ALOX12B: variants seen among roughly 807,000 people sequenced by gnomAD.
ALOX12B encodes the protein arachidonate 12-lipoxygenase, 12R type.
ALOX12B carries 47 observed loss-of-function variants against 78.9 expected under a neutral mutation model. That is an observed-to-expected ratio of 0.60 (90% CI 0.47 to 0.76). The LOEUF is 0.76. Among genes scored for constraint, ALOX12B ranks in the 30% least tolerant of loss-of-function variants. The pLI, the probability that ALOX12B is intolerant of heterozygous loss-of-function variation, is 0.00. For missense variants in ALOX12B, 805 were observed against 922.6 expected, an observed-to-expected ratio of 0.87 and a Z score of 1.65; for synonymous variants, 370 against 374.5, an observed-to-expected ratio of 0.99 and a Z score of 0.14.
rs145046775 is a variant in ALOX12B, at chr17:8,075,663, C to T, written c.1586G>A (p.Gly529Asp). ...CACCCAAGACTGCAATTCCGGATCA[C>T]CCTCCACGGCTGCGTCACTCGGGTA... ...YYYPSDAAVE[G>D]DPELQSWVQE... The change falls in exon 12 of 15, where the codon GGT becomes GAT. Residue 529 changes from glycine (G) to aspartate (D), a missense_variant. Coordinates refer to ENST00000647874, the MANE Select transcript of ALOX12B (RefSeq NM_001139.3). The T allele has an allele frequency of 1.0e-4, 166 of 1,614,194 alleles. No homozygotes were observed. Among genetic ancestry groups the T allele is most frequent in the African/African-American group, 5.3e-5 (4 of 75,046 alleles).
intron 2 of ALOX12B, among the ~76,000 whole-genome samples, chr17:8,081,913 G>A (rs1977225402): frequency 6.6e-6 from 1 of 152,098 alleles, no homozygotes; most frequent in African/African-American, 2.4e-5. Context: ...AAAGTGCTGG[G>A]ATTATAGGTG....
chr17:8,080,270 C>T lies in ALOX12B; in HGVS notation c.719G>A (p.Arg240Lys). Reference protein sequence around the residue: ...KHSWKRLKDIRKIFPGKKSVV... With the variant: ...KHSWKRLKDIKKIFPGKKSVV... ...AGATTTCTTGCCAGGGAAAATTTTCCTAATGTCCTTCAGCCTCTTCCACGA... is the reference window on the plus strand; with the variant it reads ...AGATTTCTTGCCAGGGAAAATTTTCTTAATGTCCTTCAGCCTCTTCCACGA... Residue 240 changes from arginine (R) to lysine (K), a missense_variant, in exon 6 of 15, where the codon AGG (arginine) becomes AAG (lysine). Coordinates refer to ENST00000647874, the MANE Select transcript of ALOX12B (RefSeq NM_001139.3). This position sits in a 1 kb window ranked among gnomAD's most constrained non-coding sequence, Gnocchi z 4.8. 6.2e-7 allele frequency: 1 copy of T among 1,614,230 alleles called. No homozygotes were observed. Among genetic ancestry groups the T allele is most frequent in the East Asian group, 2.2e-5 (1 of 44,874 alleles).
chr17:8,083,326 C>T (rs1019235559), intron 2 of ALOX12B, among the ~76,000 whole-genome samples: 3 of 152,202 alleles, frequency 2.0e-5, no homozygotes, highest in Non-Finnish European at 2.9e-5. Context: ...ACTGTATCCC[C>T]ATGCCCATTT....
chr17:8,077,732 G>C (rs1176647916), intron 8 of ALOX12B, among the ~76,000 whole-genome samples: 3 of 152,206 alleles, frequency 2.0e-5, no homozygotes, highest in Non-Finnish European at 4.4e-5. Context: ...AGATTCCCAA[G>C]GCAGAGGCTA....
In ALOX12B at chr17:8,079,410, G is replaced by C; in HGVS notation, c.1057C>G (p.Pro353Ala). ...LHFGPEGKMMPIAIQLSQTPG... is the reference protein window; with the variant it reads ...LHFGPEGKMMAIAIQLSQTPG... ...AGCCCAGGCACCTGGATGGCGATGG[G>C]CATCATCTTGCCCTCGGGTCCAAAG... is the stretch of plus-strand genomic sequence containing the variant. Residue 353 changes from proline (P) to alanine (A), a missense_variant, in exon 8 of 15, where the codon CCC (proline) becomes GCC (alanine). Physicochemically the swap from Pro to Ala is conservative, Grantham distance 27. Transcript: ENST00000647874. The surrounding 1 kb of genome is among the most constrained non-coding windows in gnomAD (Gnocchi z 6.4). The C allele has an allele frequency of 6.4e-7, 1 of 1,552,494 alleles. No individual in the cohort carries two copies. Among genetic ancestry groups the C allele is most frequent in the Non-Finnish European group, 8.7e-7 (1 of 1,147,914 alleles).
At chr17:8,081,745 C>T (rs192086987) in intron 2 of ALOX12B, among the ~76,000 whole-genome samples, 12 of 152,144 alleles carry the variant, frequency 7.9e-5, no homozygotes, top group African/African-American at 2.7e-4. Flanking sequence ...TGGGTTCAAG[C>T]GATTCTGCTG....
At chr17:8,085,823 T>C (rs1163144784) in intron 2 of ALOX12B, among the ~76,000 whole-genome samples, 193 bp downstream of exon 2, 6 of 152,178 alleles carry the variant, frequency 3.9e-5, no homozygotes, top group Non-Finnish European at 8.8e-5. Context: ...TCCTCCAATG[T>C]GCAGCCCCAA....
intron 2 of ALOX12B, among the ~76,000 whole-genome samples, chr17:8,083,579 A>G (rs1978289866): frequency 6.6e-6 from 1 of 152,076 alleles, no homozygotes; most frequent in African/African-American, 2.4e-5. Flanking sequence ...AAATACAAAA[A>G]TTAGCTGGGT....
intron 2 of ALOX12B, among the ~76,000 whole-genome samples, chr17:8,082,874 T>C (rs1978288972): frequency 6.6e-6 from 1 of 152,186 alleles, no homozygotes; most frequent in African/African-American, 2.4e-5. Flanking sequence ...ACACTTTACT[T>C]TTATTAATCT....
At chr17:8,076,948 G>A (rs541260037) in intron 9 of ALOX12B, 42 bp downstream of exon 9, 2 of 1,594,240 alleles carry the variant, frequency 1.3e-6, no homozygotes, top group Admixed American at 1.7e-5. Context: ...GCCAGGTGAG[G>A]GCCATGATGC....
At chr17:8,078,865 T>A (rs920683830) in intron 8 of ALOX12B, among the ~76,000 whole-genome samples, 3 of 149,526 alleles carry the variant, frequency 2.0e-5, no homozygotes, top group Admixed American at 2.0e-4. Flanking sequence ...CACAAGAAGA[T>A]GTGTGTAAGT....
At chr17:8,081,960 T>A (rs932717848) in intron 2 of ALOX12B, among the ~76,000 whole-genome samples, 4 of 152,210 alleles carry the variant, frequency 2.6e-5, no homozygotes, top group Admixed American at 6.5e-5. Flanking sequence ...ACACATTTTT[T>A]AACACCCATT....
At position 8,080,119 on chromosome 17, in the gene ALOX12B, G is replaced by GGCGC. The variant is rs750398351; in HGVS notation, c.754+112_754+115dup. The GGCGC allele has an allele frequency of 4.1e-6, 6 of 1,468,642 alleles. No individual in the cohort carries two copies. Among genetic ancestry groups the GGCGC allele is most frequent in the Non-Finnish European group, 4.7e-6 (5 of 1,053,078 alleles). 91.0% of individuals were successfully genotyped at this position (1,468,642 alleles called of 1,614,324 possible). A position where few individuals can be genotyped will look rare whatever the true frequency, so the allele number is the denominator to read the frequency against. On this transcript the variant is annotated intron_variant, in intron 6 of 14. Transcript: ENST00000647874. The surrounding 1 kb of genome is among the most constrained non-coding windows in gnomAD (Gnocchi z 4.8). Reference sequence around the variant, plus strand: ...GACATTTTCCAAGAAGCCGCCAGAGGGCGCGCGCGCGCCTCGCTGCCTCTC... The same window carrying GGCGC: ...GACATTTTCCAAGAAGCCGCCAGAGGGCGCGCGCGCGCGCGCCTCGCTGCCTCTC...
chr17:8,076,263 G>C lies in ALOX12B; in HGVS notation c.1444C>G (p.Pro482Ala). 6.2e-7 allele frequency: 1 copy of C among 1,614,096 alleles called. No individual in the cohort carries two copies. Among genetic ancestry groups the C allele is most frequent in the Non-Finnish European group, 8.5e-7 (1 of 1,180,008 alleles). Residue 482 changes from proline to alanine, a missense_variant, in exon 11 of 15, where the codon CCC becomes GCC. Transcript: ENST00000647874. The stretch of plus-strand genomic sequence containing the variant: ...ACCCCACGCTCCACAAAGTCATTGG[G>C]GAGGTAGAGGCTGTCATAGGTGAGC... ...SELTYDSLYL[P>A]NDFVERGVQD...
chr17:8,084,208 G>A (rs1215889910), intron 2 of ALOX12B, among the ~76,000 whole-genome samples: 1 of 152,088 alleles, frequency 6.6e-6, no homozygotes, highest in African/African-American at 2.4e-5. Context: ...TGGAAGAACT[G>A]AGACCTAAGT....
Position 8,073,243 on chromosome 17 carries a change from T to TG in ALOX12B, c.1830dup (p.Thr611HisfsTer30). On this transcript the variant is annotated frameshift_variant, in exon 14 of 15. Coordinates refer to ENST00000647874, the MANE Select transcript of ALOX12B (RefSeq NM_001139.3). ...AACGTGTCCATGAAGGTCTCCAGAG[T>TG]GGTCAGCCCCTTAGTCTGAATCGGT... The TG allele has an allele frequency of 6.2e-7, 1 of 1,613,922 alleles. No individual in the cohort carries two copies. The highest frequency in any genetic ancestry group is 8.5e-7 in the Non-Finnish European group (1 of 1,179,982).
rs771402067 is a variant in ALOX12B, at chr17:8,076,315, A to G, written c.1392T>C (p.Ala464=). Residue 464 remains alanine, a synonymous_variant, in exon 11 of 15, where the codon GCT becomes GCC. Transcript: ENST00000647874. Reference sequence around the variant, plus strand: ...CCGACAGAGCCCGTACCATCACCCCAGCAAAGCCTTCCACGCCCAGGGACA... The same window carrying G: ...CCGACAGAGCCCGTACCATCACCCCGGCAAAGCCTTCCACGCCCAGGGACA... ...KGMSLGVEGF[A]GVMVRALSEL... is the part of the protein sequence containing the mutation. 1 of 1,611,092 alleles carries G rather than the reference A, an allele frequency of 6.2e-7. No individual in the cohort carries two copies. The highest frequency in any genetic ancestry group is 1.1e-5 in the South Asian group (1 of 90,516).
Position 8,073,248 on chromosome 17 carries a change from A to G in ALOX12B, c.1826T>C (p.Leu609Pro). ...GTCCATGAAGGTCTCCAGAGTGGTCAGCCCCTTAGTCTGAATCGGTGGATT... is the reference window on the plus strand; with the variant it reads ...GTCCATGAAGGTCTCCAGAGTGGTCGGCCCCTTAGTCTGAATCGGTGGATT... ...MRNPPIQTKG[L>P]TTLETFMDTL... Residue 609 changes from leucine to proline, a missense_variant, in exon 14 of 15, where the codon CTG (leucine) becomes CCG (proline). By Grantham distance (98) the Leu-to-Pro change is moderately conservative. Coordinates refer to ENST00000647874, the MANE Select transcript of ALOX12B (RefSeq NM_001139.3). 6.2e-7 allele frequency: 1 copy of G among 1,614,232 alleles called. No individual in the cohort carries two copies. Among genetic ancestry groups the G allele is most frequent in the Non-Finnish European group, 8.5e-7 (1 of 1,180,048 alleles).
In ALOX12B at chr17:8,075,730, A is replaced by G. The variant is rs1290850815; in HGVS notation, c.1533-14T>C. 1 of 1,614,068 alleles carries G rather than the reference A, an allele frequency of 6.2e-7. No homozygotes were observed. Among genetic ancestry groups the G allele is most frequent in the East Asian group, 2.2e-5 (1 of 44,894 alleles). On this transcript the variant is annotated splice_polypyrimidine_tract_variant and intron_variant, in intron 11 of 14. Coordinates refer to ENST00000647874, the MANE Select transcript of ALOX12B (RefSeq NM_001139.3). ...TCCGTCACATACCTGACCAGGGGAC[A>G]GGGCCTCAGTTTGGATCCTCCTCCC...
Sources: allele counts gnomAD v4.1 joint callset (sites outside exome capture counted in the v4.1 genomes callset), GRCh38; gene constraint gnomAD v4.1.1; non-coding constraint Gnocchi (gnomAD v3.1); transcripts MANE v1.5; gene names NCBI Gene and HGNC (gene_info 2026-07-23, HGNC 2026-07-21).